The following FERRY3 variants were observed in gnomAD, a reference collection of about 807,000 sequenced individuals.
The protein encoded by FERRY3 is FERRY endosomal RAB5 effector complex subunit 3, also known as protein C12orf4.
the FERRY3 span, among the ~76,000 whole-genome samples, chr12:4,506,021 CT>C: frequency 6.6e-6 from 1 of 151,814 alleles, no homozygotes; most frequent in Admixed American, 6.6e-5. Flanking sequence ...AGTTTTTCTT[CT>C]TTTTTGAAGG....
At chr12:4,512,401 T>A in the FERRY3 span, among the ~76,000 whole-genome samples, 1 of 152,248 alleles carries the variant, frequency 6.6e-6, no homozygotes, top group Non-Finnish European at 1.5e-5. Flanking sequence ...GAGGCCAGCA[T>A]CATTCTGATA....
the FERRY3 span, among the ~76,000 whole-genome samples, chr12:4,520,159 T>C: frequency 6.6e-6 from 1 of 152,216 alleles, no homozygotes; most frequent in African/African-American, 2.4e-5. Context: ...TGGGCTAGCA[T>C]ATCAAGTTAG....
At chr12:4,530,178 GT>G in the FERRY3 span, 1 of 764,230 alleles carries the variant, frequency 1.3e-6, no homozygotes, top group Admixed American at 3.4e-5. Context: ...ATATATATGT[GT>G]GTGTAAATAT....
At chr12:4,497,192 A>G in the FERRY3 span, among the ~76,000 whole-genome samples, 1 of 152,238 alleles carries the variant, frequency 6.6e-6, no homozygotes, top group African/African-American at 2.4e-5. Context: ...ACAATAATAT[A>G]TAACAATAAC....
chr12:4,518,030 A>G, the FERRY3 span: 96 of 1,576,494 alleles, frequency 6.1e-5, no homozygotes, highest in Admixed American at 1.6e-3. Context: ...GAAATTTAAC[A>G]AAATAAATGT....
chr12:4,521,738 T>C, the FERRY3 span, among the ~76,000 whole-genome samples: 2 of 152,094 alleles, frequency 1.3e-5, no homozygotes, highest in Admixed American at 6.5e-5. Context: ...CATACATGCA[T>C]AAATATATAG....
the FERRY3 span, among the ~76,000 whole-genome samples, chr12:4,508,681 G>T: frequency 6.6e-6 from 1 of 152,024 alleles, no homozygotes; most frequent in African/African-American, 2.4e-5. Flanking sequence ...AGAGGCAGAG[G>T]TTGCAGGGAC....
At chr12:4,536,272 T>G in the FERRY3 span, 2 of 974,722 alleles carry the variant, frequency 2.1e-6, no homozygotes, top group East Asian at 6.0e-5. Flanking sequence ...GTTTCATTAT[T>G]GCTGTCCCAT....
At chr12:4,489,676 T>C in the FERRY3 span, 2 of 631,784 alleles carry the variant, frequency 3.2e-6, no homozygotes, top group African/African-American at 3.7e-5. Flanking sequence ...TTCACACACA[T>C]GTATCTTGAT....
chr12:4,504,867 C>G, the FERRY3 span, among the ~76,000 whole-genome samples: 4 of 152,274 alleles, frequency 2.6e-5, no homozygotes, highest in South Asian at 8.3e-4. Context: ...CTTTGGGAGG[C>G]TGAAGCAGGT....
chr12:4,516,097 AC>A, the FERRY3 span, among the ~76,000 whole-genome samples: 2 of 152,164 alleles, frequency 1.3e-5, no homozygotes, highest in Non-Finnish European at 2.9e-5. Context: ...ACTTCATGCT[AC>A]TTAAGACAGT....
chr12:4,496,851 C>T, the FERRY3 span, among the ~76,000 whole-genome samples: 2 of 152,168 alleles, frequency 1.3e-5, no homozygotes, highest in African/African-American at 2.4e-5. Context: ...CTCTGAGGTA[C>T]TTGAAACACT....
At chr12:4,490,497 G>T in the FERRY3 span, 1 of 1,537,886 alleles carries the variant, frequency 6.5e-7, no homozygotes, top group Non-Finnish European at 8.8e-7. Flanking sequence ...ATTAAATTGG[G>T]GTGAGATCTA....
chr12:4,503,854 A>T, the FERRY3 span, among the ~76,000 whole-genome samples: 1 of 151,554 alleles, frequency 6.6e-6, no homozygotes, highest in African/African-American at 2.5e-5. Context: ...ATATAGCAAC[A>T]AAGAGTTATG....
the FERRY3 span, among the ~76,000 whole-genome samples, chr12:4,517,684 A>AAAATATATATATATAT: frequency 7.1e-6 from 1 of 140,562 alleles, no homozygotes; most frequent in African/African-American, 2.6e-5. Flanking sequence ...AGGTTATTAA[A>AAAATATATATATATAT]ATATATATAT....
chr12:4,536,163 C>T, the FERRY3 span: 1 of 1,595,944 alleles, frequency 6.3e-7, no homozygotes, highest in Non-Finnish European at 8.5e-7. Flanking sequence ...TTCTCTCTCT[C>T]TATTGCAGAA....
At chr12:4,491,162 GA>G in the FERRY3 span, 12 of 1,611,692 alleles carry the variant, frequency 7.4e-6, no homozygotes, top group Non-Finnish European at 9.3e-6. Flanking sequence ...TTGTCAGAGA[GA>G]AGATTATGCT....
chr12:4,517,991 C>T, the FERRY3 span: 1 of 1,449,904 alleles, frequency 6.9e-7, no homozygotes, highest in Non-Finnish European at 9.5e-7. Flanking sequence ...CCTGTAATTC[C>T]TTTCTTTGTA....
chr12:4,508,725 C>A, the FERRY3 span, among the ~76,000 whole-genome samples: 1 of 150,580 alleles, frequency 6.6e-6, no homozygotes, highest in African/African-American at 2.5e-5. Context: ...GCCTAGATGA[C>A]AGAGTGAGAC....
Sources: allele counts gnomAD v4.1 joint callset (sites outside exome capture counted in the v4.1 genomes callset), GRCh38; gene constraint gnomAD v4.1.1; transcripts MANE v1.5; gene names NCBI Gene and HGNC (gene_info 2026-07-23, HGNC 2026-07-21).